SLC29A3: variants seen among roughly 807,000 people sequenced by gnomAD.
The protein encoded by SLC29A3 is equilibrative nucleoside transporter 3.
In SLC29A3, 18 loss-of-function variants were observed where a neutral mutation model predicts 25.4. The ratio of observed to expected loss-of-function variants is 0.71; its 90% CI spans 0.49 to 1.05. The LOEUF is 1.05. Among genes scored for constraint, SLC29A3 ranks in the 50% least tolerant of loss-of-function variants. SLC29A3 has a pLI of 0.00. For synonymous variants in SLC29A3, 258 were observed against 267.1 expected (o/e 0.97, Z 0.33); for missense variants, 586 against 609.0 (o/e 0.96, Z 0.40).
At position 71,362,732 on chromosome 10, in the gene SLC29A3, C is replaced by T. The variant is rs117406077; in HGVS notation, c.*124C>T. ...TTGGGGACAGAGAGCAGAGCACACT[C>T]GGGCCTCATCCCTCCCAAGATGCCA... On this transcript the variant is annotated 3_prime_UTR_variant, in exon 6 of 6. Transcript: ENST00000373189. The T allele has an allele frequency of 7.7e-3, 10,095 of 1,304,034 alleles. 79 individuals are homozygous for T. The highest frequency in any genetic ancestry group is 0.019 in the South Asian group (1,572 of 80,716). 80.8% of individuals were successfully genotyped at this position (1,304,034 alleles called of 1,614,324 possible).
chr10:71,381,376 A>G (rs1031412085), downstream of SLC29A3: 8 of 152,244 alleles, frequency 5.3e-5, no homozygotes, highest in African/African-American at 1.7e-4. Context: ...AAAAAATAAA[A>G]TCAAAAGAGC....
intron 2 of SLC29A3, among the ~76,000 whole-genome samples, chr10:71,323,295 A>G (rs1336431950): frequency 2.0e-5 from 3 of 152,258 alleles, no homozygotes; most frequent in Non-Finnish European, 2.9e-5. Flanking sequence ...GCTATGAGTT[A>G]CAGAAAATTC....
chr10:71,327,694 C>T (rs1846003516), intron 2 of SLC29A3, among the ~76,000 whole-genome samples: 1 of 148,104 alleles, frequency 6.8e-6, no homozygotes, highest in African/African-American at 2.5e-5. Context: ...AGGGTACTAT[C>T]CTGGAGATTC....
In SLC29A3 at chr10:71,363,251, G is replaced by A. The variant is rs948890853; in HGVS notation, c.*643G>A. The A allele has an allele frequency of 6.6e-6, 3 of 453,878 alleles. No homozygotes were observed. The highest frequency in any genetic ancestry group is 6.0e-5 in the African/African-American group (3 of 49,994). The allele number at this position is 453,878 out of a possible 1,614,324, so 28.1% of individuals were successfully genotyped here. A position where few individuals can be genotyped will look rare whatever the true frequency, so the allele number is the denominator to read the frequency against. Reference sequence around the variant, plus strand: ...GCAAGGGATCAAGCATGTCTGGCCTGGGTTTTCAAAAAAAGAGGGATCCTC... The same window carrying A: ...GCAAGGGATCAAGCATGTCTGGCCTAGGTTTTCAAAAAAAGAGGGATCCTC... On this transcript the variant is annotated 3_prime_UTR_variant, in exon 6 of 6. Coordinates refer to ENST00000373189, the MANE Select transcript of SLC29A3 (RefSeq NM_018344.6).
At chr10:71,327,035 G>T (rs542148882) in intron 2 of SLC29A3, among the ~76,000 whole-genome samples, 84 of 152,310 alleles carry the variant, frequency 5.5e-4, no homozygotes, top group African/African-American at 2.0e-3. Flanking sequence ...TCACCTGAGG[G>T]CCACTTTAGG....
chr10:71,350,766 C>T (rs912162665), intron 3 of SLC29A3, among the ~76,000 whole-genome samples: 1 of 152,198 alleles, frequency 6.6e-6, no homozygotes, highest in African/African-American at 2.4e-5. Flanking sequence ...TTTCCTCACT[C>T]CAGGGGAGGC....
rs1445176179 is a variant in SLC29A3, at chr10:71,319,259, A to G, written c.-51A>G. The G allele has an allele frequency of 3.5e-6, 2 of 572,950 alleles. No homozygotes were observed. Among genetic ancestry groups the G allele is most frequent in the Non-Finnish European group, 3.1e-6 (1 of 320,490 alleles). The allele number at this position is 572,950 out of a possible 1,614,324, so 35.5% of individuals were successfully genotyped here. A position where few individuals can be genotyped will look rare whatever the true frequency, so the allele number is the denominator to read the frequency against. ...AGCCCGCCTGCCGCCTGCCAAGCCCAGTGGTCCTGGCCGTGCGCCGGAGGC... is the reference window on the plus strand; with the variant it reads ...AGCCCGCCTGCCGCCTGCCAAGCCCGGTGGTCCTGGCCGTGCGCCGGAGGC... On this transcript the variant is annotated 5_prime_UTR_variant, in exon 1 of 6. Coordinates refer to ENST00000373189, the MANE Select transcript of SLC29A3 (RefSeq NM_018344.6).
chr10:71,359,568 G>A (rs1039774998), intron 5 of SLC29A3, among the ~76,000 whole-genome samples: 16 of 152,192 alleles, frequency 1.1e-4, no homozygotes, highest in Non-Finnish European at 1.5e-4. Context: ...CCCGTTCACC[G>A]TCACTGAAGA....
chr10:71,333,506 C>G (rs572434961), intron 2 of SLC29A3, among the ~76,000 whole-genome samples: 45 of 152,358 alleles, frequency 3.0e-4, no homozygotes, highest in African/African-American at 1.1e-3. Context: ...TAAGGACTCC[C>G]TCTTCCTGAT....
chr10:71,356,016 G>A (rs576451620), intron 4 of SLC29A3, 65 bp from the exon 5 acceptor site: 7 of 1,583,708 alleles, frequency 4.4e-6, no homozygotes, highest in African/African-American at 1.3e-5. Flanking sequence ...CAAGCAGGGA[G>A]GGGCCCGCAG....
At chr10:71,337,852 CGTCATAAA>C (rs1846294340) in intron 2 of SLC29A3, among the ~76,000 whole-genome samples, 1 of 152,182 alleles carries the variant, frequency 6.6e-6, no homozygotes, top group Non-Finnish European at 1.5e-5. Context: ...AAATGTGGCC[CGTCATAAA>C]ATGGGCCTCA....
At chr10:71,358,431 C>T (rs1349892164) in intron 5 of SLC29A3, among the ~76,000 whole-genome samples, 1 of 152,192 alleles carries the variant, frequency 6.6e-6, no homozygotes, top group Non-Finnish European at 1.5e-5. Flanking sequence ...CAGGCACCTA[C>T]AGACCCCTGG....
At chr10:71,348,662 C>T (rs1056596449) in intron 3 of SLC29A3, among the ~76,000 whole-genome samples, 7 of 152,294 alleles carry the variant, frequency 4.6e-5, no homozygotes, top group Middle Eastern at 3.4e-3. Context: ...TGTACTCTTA[C>T]GATAGATGCT....
In SLC29A3 at chr10:71,362,624, G is replaced by A. The variant is rs1257945526; in HGVS notation, c.*16G>A. On this transcript the variant is annotated 3_prime_UTR_variant, in exon 6 of 6. Transcript: ENST00000373189. ...CCTCATCTAGAAGGGAGGACACAAG[G>A]ACATTGGTGCTTCAGAGCCTTTGAA... 10 of 1,613,980 alleles carry A rather than the reference G, an allele frequency of 6.2e-6. No individual in the cohort carries two copies. The highest frequency in any genetic ancestry group is 7.6e-6 in the Non-Finnish European group (9 of 1,180,052).
At chr10:71,347,861 GCT>G (rs764122963) in intron 3 of SLC29A3, among the ~76,000 whole-genome samples, 2 of 152,152 alleles carry the variant, frequency 1.3e-5, no homozygotes, top group Admixed American at 6.5e-5. Flanking sequence ...CAGTCCCCCA[GCT>G]CTCTGCAAAA....
At chr10:71,349,123 C>T (rs1210358642) in intron 3 of SLC29A3, among the ~76,000 whole-genome samples, 1 of 152,162 alleles carries the variant, frequency 6.6e-6, no homozygotes, top group African/African-American at 2.4e-5. Context: ...AGGGAGGGCA[C>T]ATGGGCAGGA....
intron 3 of SLC29A3, among the ~76,000 whole-genome samples, chr10:71,373,486 C>T (rs1049097978): frequency 1.3e-5 from 2 of 152,188 alleles, no homozygotes; most frequent in Admixed American, 1.3e-4. Flanking sequence ...AGTCAGGACA[C>T]AGGGCTTGGA....
intron 4 of SLC29A3, among the ~76,000 whole-genome samples, chr10:71,378,265 T>A (rs1020725753): frequency 6.6e-6 from 1 of 152,254 alleles, no homozygotes; most frequent in African/African-American, 2.4e-5. Flanking sequence ...AAGCCGTCTT[T>A]GACCCTTAGC....
chr10:71,322,772 G>A lies in SLC29A3; in HGVS notation c.18G>A (p.Glu6=), dbSNP rs758248725. 2.2e-5 allele frequency: 36 copies of A among 1,614,000 alleles called. No homozygotes were observed. The highest frequency in any genetic ancestry group is 3.0e-5 in the Non-Finnish European group (35 of 1,180,050). Residue 6 remains glutamate, a synonymous_variant, in exon 2 of 6, where the codon GAG becomes GAA. Transcript: ENST00000373189. ...CTCCAATAGTGGCCGTTGTCTCAGA[G>A]GACGACTTTCAGCACAGTTCAAACT... MAVVS[E]DDFQHSSNST...
Sources: gnomAD v4.1 joint callset for allele counts (sites outside exome capture counted in the v4.1 genomes callset) on GRCh38, gnomAD v4.1.1 for gene constraint, MANE v1.5 for transcripts, NCBI Gene and HGNC (gene_info 2026-07-23, HGNC 2026-07-21) for gene names.